The following CLSTN2 variants were observed in gnomAD, a reference collection of about 807,000 sequenced individuals.
CLSTN2 encodes the protein calsyntenin-2.
In CLSTN2, 48 loss-of-function variants were observed where a neutral mutation model predicts 101.2. The ratio of observed to expected loss-of-function variants is 0.47; its 90% CI spans 0.38 to 0.60. The LOEUF (loss-of-function observed/expected upper bound fraction) is 0.60. Among genes scored for constraint, CLSTN2 ranks in the 20% least tolerant of loss-of-function variants. The probability of loss-of-function intolerance (pLI) is 0.00; values close to 1 mark genes in which losing one functional copy is unlikely to be tolerated. For synonymous variants in CLSTN2, 481 were observed against 463.6 expected (o/e 1.04, Z -0.48); for missense variants, 1,160 against 1,238.2 (o/e 0.94, Z 0.95).
At position 140,569,537 on chromosome 3, in the gene CLSTN2, T is replaced by A. The variant is rs1985457826; in HGVS notation, c.*3284T>A. 1 of 152,226 alleles carries A rather than the reference T, an allele frequency of 6.6e-6. No individual in the cohort carries two copies. Among genetic ancestry groups the A allele is most frequent in the African/African-American group, 2.4e-5 (1 of 41,456 alleles). The allele number at this position is 152,226 out of a possible 1,614,324, so 9.4% of individuals were successfully genotyped here. A position where few individuals can be genotyped will look rare whatever the true frequency, so the allele number is the denominator to read the frequency against. On this transcript the variant is annotated 3_prime_UTR_variant, in exon 17 of 17. Transcript: ENST00000458420. ...TCAGTGGAGTAAAGCAACCGGCTAG[T>A]TGGTAGCCTGCCTTAAAAAATACTA...
intron 1 of CLSTN2, among the ~76,000 whole-genome samples, chr3:140,102,943 A>G (rs2008993331): frequency 6.6e-6 from 1 of 152,036 alleles, no homozygotes. Context: ...AACCCTTCTG[A>G]CCCTCAGTTT....
At position 140,342,339 on chromosome 3, in the gene CLSTN2, T is replaced by C. The variant is rs531518303; in HGVS notation, c.233-61290T>C. Among the ~76,000 whole-genome samples, 95 of 152,210 alleles carry C rather than the reference T, an allele frequency of 6.2e-4. 2 individuals carry two copies. The South Asian group carries it at 0.019, about 31-fold the overall frequency. The stretch of plus-strand genomic sequence containing the variant: ...ATGTATCCAGATTGCCAAATGTCCC[T>C]TGGGGGACAAAATCGCTCTCACTTG... On this transcript the variant is annotated intron_variant, in intron 2 of 16. Transcript: ENST00000458420.
intron 1 of CLSTN2, among the ~76,000 whole-genome samples, chr3:139,968,578 G>T (rs1002258479): frequency 1.3e-5 from 2 of 152,202 alleles, no homozygotes; most frequent in Admixed American, 1.3e-4. Context: ...GAAAGCAGAT[G>T]TCAGCACCTT....
chr3:140,290,721 A>G (rs2086938930), intron 2 of CLSTN2, among the ~76,000 whole-genome samples: 1 of 152,200 alleles, frequency 6.6e-6, no homozygotes, highest in African/African-American at 2.4e-5. Flanking sequence ...GTCTAAGCCT[A>G]AGTATCCTGA....
In CLSTN2 at chr3:140,514,467, G is replaced by T. The variant is rs150079488; in HGVS notation, c.1345-17857G>T. ...ATTTTGTTCCTTTTTATAGCTGAGA[G>T]GTATTCATACATATACATATACTAC... On this transcript the variant is annotated intron_variant, in intron 8 of 16. Coordinates refer to ENST00000458420, the MANE Select transcript of CLSTN2 (RefSeq NM_022131.3). Among the ~76,000 whole-genome samples, 400 of 152,058 alleles carry T rather than the reference G, an allele frequency of 2.6e-3. 6 individuals are homozygous for T. In the South Asian group the frequency reaches 0.045, roughly 17 times the overall value.
At position 140,123,171 on chromosome 3, in the gene CLSTN2, G is replaced by T. The variant is rs1325065309; in HGVS notation, c.110-52780G>T. On this transcript the variant is annotated intron_variant, in intron 1 of 16. Transcript: ENST00000458420. Reference sequence around the variant, plus strand: ...TGTTACTGTGTCCTCCAGGGCGGGGGGGTGGGGGGCGGGACATGAATGTGG... The same window carrying T: ...TGTTACTGTGTCCTCCAGGGCGGGGTGGTGGGGGGCGGGACATGAATGTGG... Among the ~76,000 whole-genome samples, 24 of 122,256 alleles carry T rather than the reference G, an allele frequency of 2.0e-4. 1 individual carries two copies. The allele number at this position is 122,256 out of a possible 152,430, so 80.2% of individuals were successfully genotyped here. A position where few individuals can be genotyped will look rare whatever the true frequency, so the allele number is the denominator to read the frequency against.
chr3:140,405,299 C>T (rs1408080928), intron 4 of CLSTN2, among the ~76,000 whole-genome samples: 3 of 152,060 alleles, frequency 2.0e-5, no homozygotes, highest in Non-Finnish European at 4.4e-5. Flanking sequence ...ACAATCTTCA[C>T]TCACTGCAAC....
chr3:140,186,528 A>T (rs932582422), intron 2 of CLSTN2, among the ~76,000 whole-genome samples: 1 of 152,156 alleles, frequency 6.6e-6, no homozygotes, highest in Non-Finnish European at 1.5e-5. Flanking sequence ...AGATCACTGA[A>T]TACCTTGGCA....
At chr3:140,023,785 C>T (rs2007365978) in intron 1 of CLSTN2, among the ~76,000 whole-genome samples, 1 of 152,198 alleles carries the variant, frequency 6.6e-6, no homozygotes, top group Non-Finnish European at 1.5e-5. Flanking sequence ...TTTTCACCTC[C>T]CCGCTTCGCT....
At chr3:140,212,822 C>T (rs1019026286) in intron 2 of CLSTN2, among the ~76,000 whole-genome samples, 1 of 152,222 alleles carries the variant, frequency 6.6e-6, no homozygotes, top group Non-Finnish European at 1.5e-5. Context: ...GGCCTCAGCC[C>T]TCAGGCTCTG....
At position 140,495,914 on chromosome 3, in the gene CLSTN2, T is replaced by G. The variant is rs779995251; in HGVS notation, c.1344+29183T>G. Among the ~76,000 whole-genome samples the G allele has an allele frequency of 1.3e-4, 20 of 152,258 alleles. 1 individual carries two copies. The highest frequency in any genetic ancestry group is 2.8e-4 in the Non-Finnish European group (19 of 68,054). On this transcript the variant is annotated intron_variant, in intron 8 of 16. Coordinates refer to ENST00000458420, the MANE Select transcript of CLSTN2 (RefSeq NM_022131.3). ...AGGTAGCATGATGCCTCCAGCTTTA[T>G]TCTTTTTTCTTAGGATCGTCTTGGC... is the stretch of plus-strand genomic sequence containing the variant.
chr3:140,302,023 G>A (rs2087065464), intron 2 of CLSTN2, among the ~76,000 whole-genome samples: 1 of 152,088 alleles, frequency 6.6e-6, no homozygotes, highest in South Asian at 2.1e-4. Context: ...TTCTGTGCAT[G>A]GATTGGACTT....
chr3:140,436,405 T>C lies in CLSTN2; in HGVS notation c.788-12114T>C, dbSNP rs138702381. On this transcript the variant is annotated intron_variant, in intron 5 of 16. Coordinates refer to ENST00000458420, the MANE Select transcript of CLSTN2 (RefSeq NM_022131.3). Reference sequence around the variant, plus strand: ...AATAAGTTCATTGTAAGTGTGTTACTGTTGGTTTTTATTAGAGATGTGGTG... The same window carrying C: ...AATAAGTTCATTGTAAGTGTGTTACCGTTGGTTTTTATTAGAGATGTGGTG... 2.2e-4 allele frequency among the ~76,000 whole-genome samples: 33 copies of C among 152,364 alleles called. No homozygotes were observed. In the East Asian group the frequency reaches 5.4e-3, roughly 25 times the overall value.
At chr3:140,546,265 C>G (rs908688657) in intron 9 of CLSTN2, among the ~76,000 whole-genome samples, 1 of 152,220 alleles carries the variant, frequency 6.6e-6, no homozygotes, top group Non-Finnish European at 1.5e-5. Context: ...ACAGTGTGCC[C>G]TTGAAAATAA....
chr3:140,300,278 A>G (rs530381238), intron 2 of CLSTN2, among the ~76,000 whole-genome samples: 1 of 152,196 alleles, frequency 6.6e-6, no homozygotes, highest in Non-Finnish European at 1.5e-5. Context: ...GTGATTGGGA[A>G]TTTTACAGGT....
chr3:140,156,430 G>A lies in CLSTN2; in HGVS notation c.110-19521G>A, dbSNP rs114223126. 3.0e-3 allele frequency among the ~76,000 whole-genome samples: 452 copies of A among 152,276 alleles called. 2 individuals are homozygous for A. Among genetic ancestry groups the A allele is most frequent in the Non-Finnish European group, 5.6e-3 (381 of 68,018 alleles). The stretch of plus-strand genomic sequence containing the variant: ...TAAATATTTATTGAATTGATGAATG[G>A]TATTTGCCAATTTTTTTAAAGTTAA... On this transcript the variant is annotated intron_variant, in intron 1 of 16. Transcript: ENST00000458420.
chr3:140,265,174 C>A (rs944135708), intron 2 of CLSTN2, among the ~76,000 whole-genome samples: 2 of 152,178 alleles, frequency 1.3e-5, no homozygotes, highest in African/African-American at 4.8e-5. Context: ...GAATTGGGCC[C>A]AAACAGTGAA....
chr3:140,205,566 A>G (rs1456723859), intron 2 of CLSTN2, among the ~76,000 whole-genome samples: 4 of 146,534 alleles, frequency 2.7e-5, no homozygotes, highest in African/African-American at 9.9e-5. Context: ...AAAGCCACAG[A>G]GGAGGTAAGG....
At chr3:140,284,365 C>T (rs1385606556) in intron 2 of CLSTN2, among the ~76,000 whole-genome samples, 1 of 152,230 alleles carries the variant, frequency 6.6e-6, no homozygotes, top group South Asian at 2.1e-4. Context: ...GTCAAAACAC[C>T]ATCACCCTTA....
Sources: gnomAD v4.1 joint callset for allele counts (sites outside exome capture counted in the v4.1 genomes callset) on GRCh38, gnomAD v4.1.1 for gene constraint, MANE v1.5 for transcripts, NCBI Gene and HGNC (gene_info 2026-07-23, HGNC 2026-07-21) for gene names.